Variants in ZNF469 observed in about 807,000 individuals in gnomAD.
ZNF469 encodes the protein zinc finger protein 469.
In ZNF469, 1 loss-of-function variant was observed where a neutral mutation model predicts 1.0. The ratio of observed to expected loss-of-function variants is 1.00; its 90% CI spans 0.35 to 4.73. ZNF469 has a LOEUF of 4.73. Among genes scored for constraint, ZNF469 ranks in the 30% most tolerant of loss-of-function variants. The probability of loss-of-function intolerance (pLI) is 0.16; values close to 1 mark genes in which losing one functional copy is unlikely to be tolerated. For synonymous variants in ZNF469, 2,703 were observed against 2,363.4 expected (o/e 1.14, Z -4.17); for missense variants, 6,100 against 5,356.3 (o/e 1.14, Z -4.33).
At chr16:88,216,928 G>GT in the ZNF469 span, among the ~76,000 whole-genome samples, 25 of 150,220 alleles carry the variant, frequency 1.7e-4, no homozygotes, top group Non-Finnish European at 2.5e-4. Context: ...CTTCCTTTTA[G>GT]TTTTTTTTTC....
the ZNF469 span, among the ~76,000 whole-genome samples, chr16:88,215,442 T>A: frequency 7.9e-6 from 1 of 126,710 alleles, no homozygotes; most frequent in African/African-American, 3.0e-5. Context: ...CAGGCTGGAG[T>A]GCAGTGGCAT....
chr16:88,198,829 G>A, the ZNF469 span, among the ~76,000 whole-genome samples: 15 of 152,320 alleles, frequency 9.8e-5, no homozygotes, highest in East Asian at 1.2e-3. Context: ...TGGTCACGCC[G>A]GGACGTTGCA....
chr16:88,392,295 C>G (rs140231243), intron 1 of ZNF469, among the ~76,000 whole-genome samples: 1 of 152,270 alleles, frequency 6.6e-6, no homozygotes, highest in Non-Finnish European at 1.5e-5. Flanking sequence ...AGCTGCTGCA[C>G]GAGCAGCTCA....
At chr16:88,143,648 TTG>T in the ZNF469 span, among the ~76,000 whole-genome samples, 1 of 152,252 alleles carries the variant, frequency 6.6e-6, no homozygotes, top group African/African-American at 2.4e-5. Flanking sequence ...AATGCTGCCT[TTG>T]TGTCTGACGT....
In ZNF469 at chr16:88,399,673, C is replaced by T. The variant is rs548512138; in HGVS notation, c.-192+16419C>T. ...CAATAGCAGAACACGCTTGCTGTGG[C>T]CAGGTATGAGCTGAGGCCCACATAT... On this transcript the variant is annotated intron_variant, in intron 1 of 2. Transcript: ENST00000565624. Among the ~76,000 whole-genome samples the T allele has an allele frequency of 3.9e-5, 6 of 152,382 alleles. No homozygotes were observed. In the East Asian group the frequency reaches 9.6e-4, roughly 24 times the overall value.
At chr16:88,417,241 C>T (rs1905327010) in intron 1 of ZNF469, among the ~76,000 whole-genome samples, 1 of 143,444 alleles carries the variant, frequency 7.0e-6, no homozygotes, top group African/African-American at 2.5e-5. Flanking sequence ...TGGCCTGGGG[C>T]AGGCCCACAC....
the ZNF469 span, among the ~76,000 whole-genome samples, chr16:88,279,640 G>A: frequency 1.7e-5 from 2 of 120,142 alleles, 1 homozygote; most frequent in East Asian, 5.6e-4. Flanking sequence ...CTGACACTCG[G>A]TCAGTACCAT....
At chr16:88,245,928 G>A in the ZNF469 span, among the ~76,000 whole-genome samples, 17 of 152,280 alleles carry the variant, frequency 1.1e-4, no homozygotes, top group East Asian at 3.8e-4. Context: ...ACATAGCCCG[G>A]GGACATCCTC....
At chr16:88,133,776 T>C in the ZNF469 span, among the ~76,000 whole-genome samples, 30 of 152,162 alleles carry the variant, frequency 2.0e-4, no homozygotes, top group African/African-American at 7.0e-4. Context: ...CGACCTGGCT[T>C]TCTGATTGTA....
intron 1 of ZNF469, among the ~76,000 whole-genome samples, chr16:88,389,397 G>A (rs1180267735): frequency 1.3e-5 from 2 of 152,358 alleles, no homozygotes; most frequent in East Asian, 1.9e-4. Context: ...TTTTGTGCAC[G>A]CACCCCTCCT....
chr16:88,348,012 G>A, the ZNF469 span, among the ~76,000 whole-genome samples: 3 of 152,242 alleles, frequency 2.0e-5, no homozygotes, highest in Non-Finnish European at 4.4e-5. Flanking sequence ...GCACCCCCAC[G>A]TCCTCCTCGC....
In ZNF469 at chr16:88,427,425, C is replaced by T. The variant is rs1025095474; in HGVS notation, c.-46C>T. ...TGGCCGTCCAGCCCACTCCCCAGGGCCCCCCTCGGACAGCTGCGTCGTCCT... is the reference window on the plus strand; with the variant it reads ...TGGCCGTCCAGCCCACTCCCCAGGGTCCCCCTCGGACAGCTGCGTCGTCCT... On this transcript the variant is annotated 5_prime_UTR_variant, in exon 3 of 3. Transcript: ENST00000565624. 9.0e-6 allele frequency: 13 copies of T among 1,442,242 alleles called. No individual in the cohort carries two copies. The highest frequency in any genetic ancestry group is 2.9e-5 in the African/African-American group (2 of 69,974). The allele number at this position is 1,442,242 out of a possible 1,614,324, so 89.3% of individuals were successfully genotyped here. A position where few individuals can be genotyped will look rare whatever the true frequency, so the allele number is the denominator to read the frequency against.
At chr16:88,116,105 C>T in the ZNF469 span, among the ~76,000 whole-genome samples, 1 of 152,192 alleles carries the variant, frequency 6.6e-6, no homozygotes, top group African/African-American at 2.4e-5. Context: ...GGGGTCCAGA[C>T]TGTATAGAGA....
At chr16:88,393,931 C>T (rs1482496944) in intron 1 of ZNF469, among the ~76,000 whole-genome samples, 1 of 152,236 alleles carries the variant, frequency 6.6e-6, no homozygotes. Flanking sequence ...GAAGGAGGGG[C>T]TCATGCTACA....
rs960633742 is a variant in ZNF469 at position 88,427,573 on chromosome 16, C to A, written c.103C>A (p.Leu35Met). 4 of 1,537,144 alleles carry A rather than the reference C, an allele frequency of 2.6e-6. No homozygotes were observed. The highest frequency in any genetic ancestry group is 4.9e-5 in the East Asian group (2 of 40,890). Residue 35 changes from leucine to methionine, a missense_variant, in exon 3 of 3, where the codon CTG becomes ATG. Transcript: ENST00000565624. ...SSPGHPSQPP[L>M]EDNTPATRTT... Reference sequence around the variant, plus strand: ...CCCGGGGCACCCCTCCCAGCCGCCACTGGAGGACAACACCCCAGCTACCAG... The same window carrying A: ...CCCGGGGCACCCCTCCCAGCCGCCAATGGAGGACAACACCCCAGCTACCAG...
At chr16:88,172,186 C>T in the ZNF469 span, among the ~76,000 whole-genome samples, 1 of 152,182 alleles carries the variant, frequency 6.6e-6, no homozygotes, top group African/African-American at 2.4e-5. Flanking sequence ...AAAGAGAGCG[C>T]CAGAGGTCTG....
At chr16:88,229,447 C>T in the ZNF469 span, among the ~76,000 whole-genome samples, 2 of 152,236 alleles carry the variant, frequency 1.3e-5, no homozygotes, top group Non-Finnish European at 2.9e-5. Context: ...AGCTTGTTTT[C>T]CGTTCCTGCC....
the ZNF469 span, among the ~76,000 whole-genome samples, chr16:88,233,433 G>C: frequency 6.6e-6 from 1 of 152,230 alleles, no homozygotes; most frequent in East Asian, 1.9e-4. Flanking sequence ...TTCCTGGCCT[G>C]GGCCGTGGGC....
At chr16:88,169,088 C>T in the ZNF469 span, among the ~76,000 whole-genome samples, 4 of 151,948 alleles carry the variant, frequency 2.6e-5, no homozygotes, top group East Asian at 3.9e-4. The surrounding 1 kb of genome is among the most constrained non-coding windows in gnomAD (Gnocchi z 6.1). Flanking sequence ...GGGGACAGGC[C>T]GGAAGTGTGT....
Sources: allele counts gnomAD v4.1 joint callset (sites outside exome capture counted in the v4.1 genomes callset), GRCh38; gene constraint gnomAD v4.1.1; non-coding constraint Gnocchi (gnomAD v3.1); transcripts MANE v1.5; gene names NCBI Gene and HGNC (gene_info 2026-07-23, HGNC 2026-07-21).